Variants in RADIL observed in about 807,000 individuals in gnomAD.
RADIL encodes the protein ras-associating and dilute domain-containing protein.
In RADIL, 99 loss-of-function variants were observed where a neutral mutation model predicts 97.6. That is an observed-to-expected ratio of 1.01 (90% CI 0.86 to 1.20). The LOEUF is 1.20. Ranked by LOEUF, RADIL falls within the 50% of genes most tolerant of loss-of-function variation. RADIL has a pLI of 0.00. For missense variants in RADIL, 1,765 were observed against 1,498.9 expected, an observed-to-expected ratio of 1.18 and a Z score of -2.93; for synonymous variants, 803 against 691.8, an observed-to-expected ratio of 1.16 and a Z score of -2.52.
At chr7:4,800,504 C>A (rs1338517340) in intron 12 of RADIL, among the ~76,000 whole-genome samples, 194 bp from the exon 13 acceptor site, 1 of 152,130 alleles carries the variant, frequency 6.6e-6, no homozygotes, top group Non-Finnish European at 1.5e-5. Flanking sequence ...ATGGGCGACA[C>A]CCCCATGTTC....
In RADIL at chr7:4,817,109, G is replaced by T. The variant is rs1324299868; in HGVS notation, c.1728+130C>A. 1 of 741,900 alleles carries T rather than the reference G, an allele frequency of 1.3e-6. No homozygotes were observed. Among genetic ancestry groups the T allele is most frequent in the East Asian group, 2.7e-5 (1 of 37,316 alleles). The allele number at this position is 741,900 out of a possible 1,614,324, so 46.0% of individuals were successfully genotyped here. ...GAACCTGCAGCCACTGCTCCCTGAT[G>T]AAGTGGAGCTTGTCACGGTCCCCTC... On this transcript the variant is annotated intron_variant, in intron 7 of 14. Transcript: ENST00000399583. The surrounding 1 kb of genome is among the most constrained non-coding windows in gnomAD (Gnocchi z 8.3).
rs545404783 is a variant in RADIL at position 4,800,570 on chromosome 7, G to A, written c.2843-260C>T. ...GCAGTCCCAGGACACTCGCCCCTCT[G>A]GGGGCGGCTGTTTTCCAGCTCCAGG... On this transcript the variant is annotated intron_variant, in intron 12 of 14. Transcript: ENST00000399583. 8.5e-5 allele frequency among the ~76,000 whole-genome samples: 13 copies of A among 152,216 alleles called. No individual in the cohort carries two copies. In the South Asian group the frequency reaches 2.5e-3, roughly 29 times the overall value.
chr7:4,865,475 G>A (rs1026234845), intron 2 of RADIL: 32 of 772,382 alleles, frequency 4.1e-5, no homozygotes, highest in Middle Eastern at 3.6e-4. Context: ...TAATCTGGAA[G>A]TAATGTAATT....
chr7:4,832,204 G>A, intron 4 of RADIL, 26 bp from the exon 5 acceptor site: 1 of 1,606,048 alleles, frequency 6.2e-7, no homozygotes, highest in African/African-American at 1.3e-5. Flanking sequence ...GGGAGAAAAA[G>A]CAAGTGAGCA....
In RADIL at chr7:4,814,389, G is replaced by A. The variant is rs775219785; in HGVS notation, c.2139+889C>T. On this transcript the variant is annotated intron_variant, in intron 9 of 14. Coordinates refer to ENST00000399583, the MANE Select transcript of RADIL (RefSeq NM_018059.5). This position sits in a 1 kb window ranked among gnomAD's most constrained non-coding sequence, Gnocchi z 4.5. ...GGTGGAGTGCAGTGGCATGATCTCG[G>A]CTCACTGCAACCTCTGCCTCGCGGG... Among the ~76,000 whole-genome samples, 1 of 152,104 alleles carries A rather than the reference G, an allele frequency of 6.6e-6. No homozygotes were observed. The highest frequency in any genetic ancestry group is 1.5e-5 in the Non-Finnish European group (1 of 68,038).
intron 9 of RADIL, among the ~76,000 whole-genome samples, chr7:4,807,515 CTCTCCG>C (rs1406457866): frequency 2.1e-5 from 3 of 142,398 alleles, no homozygotes; most frequent in East Asian, 4.2e-4. Context: ...TCCCTCCTCC[CTCTCCG>C]TCTCCCCTCC....
intron 2 of RADIL, among the ~76,000 whole-genome samples, chr7:4,852,701 C>T (rs1212499874): frequency 6.6e-6 from 1 of 152,130 alleles, no homozygotes; most frequent in Non-Finnish European, 1.5e-5. Context: ...TGCCACCACA[C>T]CCTGATAATT....
rs762209439 is a variant in RADIL, at chr7:4,822,585, G to C, written c.1455-31C>G. 2 of 1,604,548 alleles carry C rather than the reference G, an allele frequency of 1.2e-6. No homozygotes were observed. Among genetic ancestry groups the C allele is most frequent in the Admixed American group, 3.4e-5 (2 of 58,804 alleles). On this transcript the variant is annotated intron_variant, in intron 5 of 14. Transcript: ENST00000399583. This position sits in a 1 kb window ranked among gnomAD's most constrained non-coding sequence, Gnocchi z 5.3. ...AAGACAGAAAGACTAAGAGTTACGC[G>C]GGGACCCGACCCTCAGGAGGCTGAA... is the stretch of plus-strand genomic sequence containing the variant.
chr7:4,865,980 A>G (rs944267648), intron 2 of RADIL, among the ~76,000 whole-genome samples: 2 of 152,222 alleles, frequency 1.3e-5, no homozygotes, highest in Non-Finnish European at 2.9e-5. Flanking sequence ...CTAGGTGTGT[A>G]GTAAACTATA....
Position 4,816,543 on chromosome 7 carries a change from G to C in RADIL, c.1729-78C>G. On this transcript the variant is annotated intron_variant, in intron 7 of 14. Transcript: ENST00000399583. Reference sequence around the variant, plus strand: ...CCGAACGGGGGGCCTGACCCAGCGAGCTCCCCACCCACGCACTGCTTGCAG... The same window carrying C: ...CCGAACGGGGGGCCTGACCCAGCGACCTCCCCACCCACGCACTGCTTGCAG... 3 of 1,227,480 alleles carry C rather than the reference G, an allele frequency of 2.4e-6. No homozygotes were observed. The South Asian group carries it at 4.0e-5, about 16-fold the overall frequency. 76.0% of individuals were successfully genotyped at this position (1,227,480 alleles called of 1,614,324 possible).
intron 4 of RADIL, among the ~76,000 whole-genome samples, chr7:4,832,922 G>A (rs978242776): frequency 5.9e-5 from 9 of 152,130 alleles, no homozygotes; most frequent in East Asian, 1.9e-4. Flanking sequence ...AATGATATTC[G>A]CATGGGATCT....
rs1480036399 is a variant in RADIL at position 4,834,533 on chromosome 7, GC to G, written c.1416+73del. The stretch of plus-strand genomic sequence containing the variant: ...CAGATAGAGGCGCTCCCGCCTCCCA[GC>G]CGGGGCCAGCTCCGGGCCCCCTCTT... On this transcript the variant is annotated intron_variant, in intron 4 of 14. Transcript: ENST00000399583. This position sits in a 1 kb window ranked among gnomAD's most constrained non-coding sequence, Gnocchi z 6.0. 7 of 1,271,790 alleles carry G rather than the reference GC, an allele frequency of 5.5e-6. No individual in the cohort carries two copies. The highest frequency in any genetic ancestry group is 6.9e-6 in the Non-Finnish European group (7 of 1,009,132). 78.8% of individuals were successfully genotyped at this position (1,271,790 alleles called of 1,614,324 possible).
At chr7:4,861,518 A>G in intron 2 of RADIL, 1 of 1,614,054 alleles carries the variant, frequency 6.2e-7, no homozygotes, top group Non-Finnish European at 8.5e-7. Flanking sequence ...AAACGTAAAA[A>G]TCTTTCCTCC....
intron 6 of RADIL, among the ~76,000 whole-genome samples, chr7:4,820,926 T>TG (rs1049763419): frequency 6.6e-5 from 10 of 152,020 alleles, no homozygotes; most frequent in South Asian, 4.2e-4. Context: ...CCCTAAGGCA[T>TG]GGGGGGGCAC....
chr7:4,847,813 T>C (rs1783612413), intron 2 of RADIL, among the ~76,000 whole-genome samples: 1 of 113,934 alleles, frequency 8.8e-6, no homozygotes, highest in Non-Finnish European at 1.7e-5. Context: ...AAAAAGCAAA[T>C]GTATAGAGCC....
At chr7:4,877,519 C>G in intron 2 of RADIL, 86 bp downstream of exon 2, 1 of 1,458,720 alleles carries the variant, frequency 6.9e-7, no homozygotes, top group Non-Finnish European at 9.2e-7. Flanking sequence ...ACGCATGTCC[C>G]CTGCACCACT....
chr7:4,850,923 C>T (rs543829443), intron 2 of RADIL, among the ~76,000 whole-genome samples: 1 of 152,128 alleles, frequency 6.6e-6, no homozygotes, highest in Non-Finnish European at 1.5e-5. Flanking sequence ...AGTTCAGGGC[C>T]GAGTGTGGTG....
chr7:4,827,610 G>A (rs192471122), intron 5 of RADIL, among the ~76,000 whole-genome samples: 53 of 152,284 alleles, frequency 3.5e-4, no homozygotes, highest in African/African-American at 8.9e-4. Flanking sequence ...GCAGTGAGCC[G>A]AGATCGTGCC....
chr7:4,799,614 C>A lies in RADIL; in HGVS notation c.3122+16G>T. 1 of 1,604,952 alleles carries A rather than the reference C, an allele frequency of 6.2e-7. No individual in the cohort carries two copies. Among genetic ancestry groups the A allele is most frequent in the Non-Finnish European group, 8.5e-7 (1 of 1,175,186 alleles). On this transcript the variant is annotated intron_variant, in intron 14 of 14. Coordinates refer to ENST00000399583, the MANE Select transcript of RADIL (RefSeq NM_018059.5). ...CATCTGGGAGAAGGGGCCGGGCGTGCATGCGGTGGGGGTACCTCAGGTAGC... is the reference window on the plus strand; with the variant it reads ...CATCTGGGAGAAGGGGCCGGGCGTGAATGCGGTGGGGGTACCTCAGGTAGC...
Sources: allele counts gnomAD v4.1 joint callset (sites outside exome capture counted in the v4.1 genomes callset), GRCh38; gene constraint gnomAD v4.1.1; non-coding constraint Gnocchi (gnomAD v3.1); transcripts MANE v1.5; gene names NCBI Gene and HGNC (gene_info 2026-07-23, HGNC 2026-07-21).